Variants in GRB10 observed in about 807,000 individuals in gnomAD.
GRB10 encodes growth factor receptor bound protein 10.
Under a neutral mutation model 80.9 loss-of-function variants are expected in GRB10, and 20 were observed. That is an observed-to-expected ratio of 0.25 (90% CI 0.17 to 0.36). The LOEUF (loss-of-function observed/expected upper bound fraction) is 0.36, where lower values mean the gene tolerates loss of function less well. GRB10 is among the 10% of genes least tolerant of loss of function. GRB10 has a pLI of 1.00. For missense variants in GRB10, 548 were observed against 747.7 expected (o/e 0.73, Z 3.12); for synonymous variants, 291 against 291.5 (o/e 1.00, Z 0.02).
chr7:50,748,436 AG>A (rs1210198617), intron 3 of GRB10, among the ~76,000 whole-genome samples: 1 of 152,236 alleles, frequency 6.6e-6, no homozygotes. Context: ...GTTGGAAATT[AG>A]GAGTGGAGAA....
chr7:50,732,658 C>T (rs1025449261), intron 3 of GRB10, among the ~76,000 whole-genome samples: 1 of 151,614 alleles, frequency 6.6e-6, no homozygotes, highest in Non-Finnish European at 1.5e-5. Context: ...ACATTCCCAG[C>T]ACTCTCCTGC....
At chr7:50,624,735 G>C (rs2052561566) in intron 8 of GRB10, among the ~76,000 whole-genome samples, 1 of 152,148 alleles carries the variant, frequency 6.6e-6, no homozygotes, top group African/African-American at 2.4e-5. Flanking sequence ...TGGTGAGAAA[G>C]AAAACTGAGG....
At chr7:50,626,470 A>T (rs2052920644) in intron 8 of GRB10, among the ~76,000 whole-genome samples, 2 of 152,192 alleles carry the variant, frequency 1.3e-5, no homozygotes, top group African/African-American at 4.8e-5. Context: ...TCTCCAGAGC[A>T]CCTCAAGGGC....
chr7:50,751,904 G>T (rs186277552), intron 3 of GRB10, among the ~76,000 whole-genome samples: 20 of 152,286 alleles, frequency 1.3e-4, no homozygotes, highest in African/African-American at 4.3e-4. Context: ...TACAGAGTTA[G>T]GTTTCTATGA....
chr7:50,705,200 G>C (rs2064870014), intron 4 of GRB10: 2 of 985,666 alleles, frequency 2.0e-6, no homozygotes, highest in South Asian at 4.7e-5. Context: ...TCACAATGGG[G>C]GGAAGCAGAG....
chr7:50,675,229 C>A (rs1284366146), intron 5 of GRB10, among the ~76,000 whole-genome samples: 1 of 152,224 alleles, frequency 6.6e-6, no homozygotes, highest in East Asian at 1.9e-4. Context: ...CGGGTGCCCA[C>A]CCATCCTCTC....
chr7:50,612,699 G>A (rs200321181), intron 13 of GRB10, 42 bp downstream of exon 13: 11 of 1,378,740 alleles, frequency 8.0e-6, no homozygotes, highest in East Asian at 2.3e-5. Flanking sequence ...AATTTTCCAC[G>A]AAGAGATGTG....
intron 2 of GRB10, among the ~76,000 whole-genome samples, chr7:50,759,886 C>G (rs550752573): frequency 6.6e-6 from 1 of 152,244 alleles, no homozygotes; most frequent in South Asian, 2.1e-4. Flanking sequence ...GGGGGCAGAG[C>G]GCGGACACCC....
intron 2 of GRB10, among the ~76,000 whole-genome samples, chr7:50,767,102 TC>T (rs1318624574): frequency 6.6e-6 from 1 of 152,156 alleles, no homozygotes; most frequent in African/African-American, 2.4e-5. Flanking sequence ...TCTGCAGTAT[TC>T]TTTTTTAATG....
chr7:50,605,152 T>A, intron 15 of GRB10, 138 bp downstream of exon 15: 3 of 531,164 alleles, frequency 5.6e-6, no homozygotes, highest in Non-Finnish European at 6.5e-6. Context: ...AACTGCTTCC[T>A]GCAGCTGAGA....
At chr7:50,628,947 A>G (rs1346465822) in intron 7 of GRB10, among the ~76,000 whole-genome samples, 1 of 152,194 alleles carries the variant, frequency 6.6e-6, no homozygotes. Context: ...TCTGGGTCCT[A>G]GGTAGGAATG....
At chr7:50,724,781 C>T (rs562743895) in intron 4 of GRB10, among the ~76,000 whole-genome samples, 9 of 152,268 alleles carry the variant, frequency 5.9e-5, no homozygotes, top group African/African-American at 1.7e-4. Flanking sequence ...ATTTGCTCTG[C>T]GTTACTGACA....
At chr7:50,633,446 T>C (rs956330657) in intron 7 of GRB10, among the ~76,000 whole-genome samples, 1 of 152,014 alleles carries the variant, frequency 6.6e-6, no homozygotes, top group Non-Finnish European at 1.5e-5. Flanking sequence ...AATTCAAAAA[T>C]AAGTAGTGAC....
In GRB10 at chr7:50,703,831, C is replaced by T. The variant is rs546387204; in HGVS notation, c.129G>A (p.Ala43=). 15 of 1,612,632 alleles carry T rather than the reference C, an allele frequency of 9.3e-6. No individual in the cohort carries two copies. In the East Asian group the frequency reaches 1.6e-4, roughly 17 times the overall value. Residue 43 remains alanine (A), a synonymous_variant, in exon 5 of 19, where the codon GCG becomes GCA. Coordinates refer to ENST00000401949, the MANE Select transcript of GRB10 (RefSeq NM_001350814.2). Reference sequence around the variant, plus strand: ...TTGCTCATTCCTTACCCTGGTGATTCGCAAGTCGGTCAGACTGTGCGGGGA... The same window carrying T: ...TTGCTCATTCCTTACCCTGGTGATTTGCAAGTCGGTCAGACTGTGCGGGGA... ...PGLPAQSDRL[A]NHQEDDVDLE...
rs1554316306 is a variant in GRB10 at position 50,777,429 on chromosome 7, T to TATACACAC, written c.-217+3197_-217+3198insGTGTGTAT. 7.4e-3 allele frequency among the ~76,000 whole-genome samples: 1,086 copies of TATACACAC among 146,268 alleles called. 16 individuals are homozygous for TATACACAC. Among genetic ancestry groups the TATACACAC allele is most frequent in the African/African-American group, 0.027 (1,049 of 39,426 alleles). On this transcript the variant is annotated intron_variant, in intron 2 of 18. Transcript: ENST00000401949. ...TACATTCAGACCACAGCAATCTGTA[T>TATACACAC]ACACACACACACACACACACACACA...
rs2045872772 is a variant in GRB10, at chr7:50,591,754, GCT to G, written c.*1196_*1197del. 6.6e-6 allele frequency: 1 copy of G among 152,374 alleles called. No homozygotes were observed. The highest frequency in any genetic ancestry group is 2.1e-4 in the South Asian group (1 of 4,828). 9.4% of individuals were successfully genotyped at this position (152,374 alleles called of 1,614,324 possible). On this transcript the variant is annotated 3_prime_UTR_variant, in exon 19 of 19. Transcript: ENST00000401949. ...GCCAGCAGAGGAGGAGCCTCTAGCT[GCT>G]CTGTGTTCACTGGCTTATGGGGGTT...
intron 5 of GRB10, among the ~76,000 whole-genome samples, chr7:50,682,220 T>G (rs2061619187): frequency 1.3e-5 from 2 of 152,194 alleles, no homozygotes; most frequent in Admixed American, 1.3e-4. Flanking sequence ...CACAGCAATT[T>G]TAGGAGCCCC....
chr7:50,645,087 T>C (rs2056958969), intron 7 of GRB10, among the ~76,000 whole-genome samples: 2 of 152,232 alleles, frequency 1.3e-5, no homozygotes, highest in African/African-American at 4.8e-5. Flanking sequence ...TTTATTCAAT[T>C]ACAACATGCC....
chr7:50,689,641 GCA>G (rs2062549345), intron 5 of GRB10, among the ~76,000 whole-genome samples: 1 of 152,096 alleles, frequency 6.6e-6, no homozygotes, highest in African/African-American at 2.4e-5. Flanking sequence ...CTGCAAATGT[GCA>G]CACAGTGTCT....
Sources: gnomAD v4.1 joint callset for allele counts (sites outside exome capture counted in the v4.1 genomes callset) on GRCh38, gnomAD v4.1.1 for gene constraint, MANE v1.5 for transcripts, NCBI Gene and HGNC (gene_info 2026-07-23, HGNC 2026-07-21) for gene names.